ZNF569: variants seen among roughly 807,000 people sequenced by gnomAD.
ZNF569 encodes zinc finger protein 569.
ZNF569 carries 38 observed loss-of-function variants against 56.3 expected under a neutral mutation model. The observed-to-expected ratio is 0.68, with a 90% CI of 0.52 to 0.88. The LOEUF is 0.88. Among genes scored for constraint, ZNF569 ranks in the 40% least tolerant of loss-of-function variants. The pLI is 0.00. For synonymous variants in ZNF569, 241 were observed against 262.9 expected (o/e 0.92, Z 0.81); for missense variants, 666 against 809.2 (o/e 0.82, Z 2.15).
chr19:37,468,189 C>A (rs1836428811), upstream of ZNF569: 1 of 539,888 alleles, frequency 1.9e-6, no homozygotes, highest in Non-Finnish European at 3.3e-6. Context: ...CGGGCTCAAG[C>A]GATTCTCTGC....
chr19:37,439,318 G>C (rs576131586), intron 3 of ZNF569, among the ~76,000 whole-genome samples: 1 of 152,104 alleles, frequency 6.6e-6, no homozygotes, highest in African/African-American at 2.4e-5. Flanking sequence ...TGATCCACCC[G>C]CCTTGGCCTC....
chr19:37,427,476 G>GA (rs1368619092), intron 3 of ZNF569, among the ~76,000 whole-genome samples: 1 of 151,968 alleles, frequency 6.6e-6, no homozygotes, highest in Non-Finnish European at 1.5e-5. Flanking sequence ...ACTCAGCCTG[G>GA]AAAAAAGGGA....
At chr19:37,462,595 G>A (rs139913652) in intron 2 of ZNF569, among the ~76,000 whole-genome samples, 234 of 152,068 alleles carry the variant, frequency 1.5e-3, no homozygotes, top group East Asian at 4.1e-3. Context: ...TGTGGCACCC[G>A]ACACAGTTCT....
rs1255198428 is a variant in ZNF569 at position 37,414,377 on chromosome 19, C to T, written c.281G>A (p.Arg94Lys). The change falls in exon 6 of 6, where the codon AGA becomes AAA. Residue 94 changes from arginine (R) to lysine (K), a missense_variant. Coordinates refer to ENST00000316950, the MANE Select transcript of ZNF569 (RefSeq NM_152484.3). ...TTTAACTTCAACTTGTCTCAAAAGT[C>T]TGTCCTGGTTTTTCTGATGCTCATC... is the stretch of plus-strand genomic sequence containing the variant. ...GVDEHQKNQDRLLRQVEVKFQ... is the reference protein window; with the variant it reads ...GVDEHQKNQDKLLRQVEVKFQ... 4 of 1,608,942 alleles carry T rather than the reference C, an allele frequency of 2.5e-6. No individual in the cohort carries two copies. The highest frequency in any genetic ancestry group is 3.4e-6 in the Non-Finnish European group (4 of 1,177,986).
At chr19:37,436,497 TAAATG>T (rs1229962900) in intron 3 of ZNF569, among the ~76,000 whole-genome samples, 2 of 150,226 alleles carry the variant, frequency 1.3e-5, no homozygotes, top group East Asian at 2.0e-4. Context: ...AGAGCAGAAA[TAAATG>T]AAATGAAGAA....
intron 5 of ZNF569, among the ~76,000 whole-genome samples, chr19:37,415,903 AAAAAAG>A (rs1428148006): frequency 6.6e-6 from 1 of 151,444 alleles, no homozygotes. Context: ...AAAAGAAAAA[AAAAAAG>A]AATATTAAGA....
rs899525905 is a variant in ZNF569, at chr19:37,425,917, T to G, written c.189A>C (p.Glu63Asp). ...CTTCCTCCATCACCCATGGTTCTTCTTCTTGCTCCAATTTGAAAATCACAT... is the reference window on the plus strand; with the variant it reads ...CTTCCTCCATCACCCATGGTTCTTCGTCTTGCTCCAATTTGAAAATCACAT... ...KPDVIFKLEQ[E>D]EEPWVMEEEV... The change falls in exon 5 of 6, where the codon GAA becomes GAC. Residue 63 changes from glutamate (E) to aspartate (D), a missense_variant. Physicochemically the swap from Glu to Asp is conservative, Grantham distance 45. Transcript: ENST00000316950. The G allele has an allele frequency of 6.2e-6, 10 of 1,613,954 alleles. No homozygotes were observed. Among genetic ancestry groups the G allele is most frequent in the Non-Finnish European group, 8.5e-6 (10 of 1,179,974 alleles).
intron 3 of ZNF569, among the ~76,000 whole-genome samples, chr19:37,430,873 T>C (rs2041214766): frequency 6.6e-6 from 1 of 152,216 alleles, no homozygotes; most frequent in Non-Finnish European, 1.5e-5. Flanking sequence ...AGAGAATCTG[T>C]GCACCCGCAG....
chr19:37,418,777 G>C (rs961255304), intron 5 of ZNF569, among the ~76,000 whole-genome samples: 1 of 152,102 alleles, frequency 6.6e-6, no homozygotes, highest in Non-Finnish European at 1.5e-5. Context: ...TCTGCTTCTG[G>C]AGAAATGGAA....
chr19:37,464,346 C>A (rs2112920), intron 2 of ZNF569, among the ~76,000 whole-genome samples: 2 of 151,898 alleles, frequency 1.3e-5, no homozygotes, highest in Non-Finnish European at 2.9e-5. Context: ...TGTGCTACCA[C>A]GCCTGGCTAA....
intron 3 of ZNF569, among the ~76,000 whole-genome samples, chr19:37,428,364 G>T (rs2041170220): frequency 1.3e-5 from 2 of 151,796 alleles, no homozygotes; most frequent in Admixed American, 1.3e-4. Context: ...ATGAATGAAT[G>T]AATGAATGAA....
chr19:37,421,267 A>C (rs1468278957), intron 5 of ZNF569, among the ~76,000 whole-genome samples: 1 of 152,158 alleles, frequency 6.6e-6, no homozygotes, highest in African/African-American at 2.4e-5. Context: ...CCATAACAGG[A>C]GGGTCAGTCT....
At position 37,426,364 on chromosome 19, in the gene ZNF569, G is replaced by C. The variant is rs199661417; in HGVS notation, c.30C>G (p.Phe10Leu). Residue 10 changes from phenylalanine (F) to leucine (L), a missense_variant, in exon 4 of 6, where the codon TTC becomes TTG. Transcript: ENST00000316950. The part of the protein sequence containing the change: MTESQGTVT[F>L]KDVAIDFTQE... ...GAGTGAAGTCGATAGCCACATCTTT[G>C]AATGTTACTGTTCCCTGTAACAACA... 1 of 1,609,992 alleles carries C rather than the reference G, an allele frequency of 6.2e-7. No individual in the cohort carries two copies. Among genetic ancestry groups the C allele is most frequent in the Non-Finnish European group, 8.5e-7 (1 of 1,178,526 alleles).
chr19:37,446,963 G>A (rs1018227958), intron 2 of ZNF569, among the ~76,000 whole-genome samples: 3 of 151,996 alleles, frequency 2.0e-5, no homozygotes, highest in Non-Finnish European at 4.4e-5. Flanking sequence ...GACAATTCTC[G>A]AAAGAAGATA....
chr19:37,438,343 A>C (rs1259225862), intron 3 of ZNF569, among the ~76,000 whole-genome samples: 1 of 152,158 alleles, frequency 6.6e-6, no homozygotes, highest in Non-Finnish European at 1.5e-5. Context: ...CCATGTTCAC[A>C]CCTCTGCACT....
chr19:37,412,338 A>C lies in ZNF569; in HGVS notation c.*259T>G, dbSNP rs911548510. ...AGTGTTGTGTTGTTATGCTGATGGAAGATACCTTGTTTCAGATTTCAATGA... is the reference window on the plus strand; with the variant it reads ...AGTGTTGTGTTGTTATGCTGATGGACGATACCTTGTTTCAGATTTCAATGA... On this transcript the variant is annotated 3_prime_UTR_variant, in exon 6 of 6. Transcript: ENST00000316950. 1 of 432,534 alleles carries C rather than the reference A, an allele frequency of 2.3e-6. No individual in the cohort carries two copies. Among genetic ancestry groups the C allele is most frequent in the African/African-American group, 2.0e-5 (1 of 48,844 alleles). The allele number at this position is 432,534 out of a possible 1,614,324, so 26.8% of individuals were successfully genotyped here. A position where few individuals can be genotyped will look rare whatever the true frequency, so the allele number is the denominator to read the frequency against.
upstream of ZNF569, chr19:37,467,526 G>A: frequency 3.5e-6 from 1 of 289,292 alleles, no homozygotes; most frequent in Non-Finnish European, 6.4e-6. Flanking sequence ...CTTACAGTCG[G>A]CTGGAGCTGC....
chr19:37,456,967 C>CAAAAAAAA (rs560827115), intron 2 of ZNF569, among the ~76,000 whole-genome samples: 1 of 113,820 alleles, frequency 8.8e-6, no homozygotes, highest in Non-Finnish European at 1.9e-5. Context: ...GACACCGTCT[C>CAAAAAAAA]AAAAAAAAAA....
At chr19:37,442,906 A>G (rs2041429668) in intron 3 of ZNF569, among the ~76,000 whole-genome samples, 1 of 152,202 alleles carries the variant, frequency 6.6e-6, no homozygotes, top group Non-Finnish European at 1.5e-5. Context: ...GGGGGTGATG[A>G]CTAGGAAGTA....
Sources: allele counts gnomAD v4.1 joint callset (sites outside exome capture counted in the v4.1 genomes callset), GRCh38; gene constraint gnomAD v4.1.1; transcripts MANE v1.5; gene names NCBI Gene and HGNC (gene_info 2026-07-23, HGNC 2026-07-21).